The following LRIG2 variants were observed in gnomAD, a reference collection of about 807,000 sequenced individuals.
LRIG2 encodes the protein leucine-rich repeats and immunoglobulin-like domains protein 2.
LRIG2 carries 93 observed loss-of-function variants against 107.8 expected under a neutral mutation model. The observed-to-expected ratio is 0.86, with a 90% CI of 0.73 to 1.03. The LOEUF (loss-of-function observed/expected upper bound fraction) is 1.03. LRIG2 is among the 50% of genes least tolerant of loss of function. The pLI is 0.00. For synonymous variants in LRIG2, 471 were observed against 470.6 expected (o/e 1.00, Z -0.01); for missense variants, 1,226 against 1,296.0 (o/e 0.95, Z 0.83).
At chr1:113,082,563 G>T (rs903654839) in intron 1 of LRIG2, among the ~76,000 whole-genome samples, 5 of 152,322 alleles carry the variant, frequency 3.3e-5, no homozygotes, top group African/African-American at 9.6e-5. Flanking sequence ...GCGGGAGCAG[G>T]CAATTCACAT....
intron 12 of LRIG2, chr1:113,107,972 G>A: frequency 3.8e-6 from 2 of 523,680 alleles, no homozygotes; most frequent in Non-Finnish European, 6.5e-6. Flanking sequence ...TCAGATTCCT[G>A]AATCAAGCAA....
intron 1 of LRIG2, among the ~76,000 whole-genome samples, chr1:113,077,386 C>T (rs1653028800): frequency 1.3e-5 from 2 of 152,144 alleles, no homozygotes; most frequent in African/African-American, 2.4e-5. Flanking sequence ...AGGTGATCCG[C>T]CCACCTTGGC....
At chr1:113,113,320 C>T (rs1237202011) in intron 14 of LRIG2, among the ~76,000 whole-genome samples, 1 of 149,418 alleles carries the variant, frequency 6.7e-6, no homozygotes, top group African/African-American at 2.5e-5. Flanking sequence ...TAAAAATTTT[C>T]CCCTGCTGGC....
intron 1 of LRIG2, among the ~76,000 whole-genome samples, chr1:113,074,915 G>T (rs1234243161): frequency 6.9e-6 from 1 of 144,070 alleles, no homozygotes; most frequent in Non-Finnish European, 1.5e-5. Flanking sequence ...CTGGGGGGAG[G>T]GAGGGTCGGG....
chr1:113,096,482 C>T, intron 8 of LRIG2, 117 bp downstream of exon 8: 1 of 1,121,038 alleles, frequency 8.9e-7, no homozygotes, highest in South Asian at 1.5e-5. Context: ...TTTTGTGGTT[C>T]TTCTGTCCTA....
At chr1:113,122,205 C>T (rs986683379) in intron 17 of LRIG2, among the ~76,000 whole-genome samples, 6 of 151,364 alleles carry the variant, frequency 4.0e-5, no homozygotes, top group Non-Finnish European at 8.8e-5. Context: ...GCCTCAGCCT[C>T]CTGAGTAGCT....
rs1356100539 is a variant in LRIG2 at position 113,116,516 on chromosome 1, T to C, written c.2680+80T>C. 27 of 1,333,446 alleles carry C rather than the reference T, an allele frequency of 2.0e-5. 1 individual carries two copies. The East Asian group carries it at 6.6e-4, about 32-fold the overall frequency. 82.6% of individuals were successfully genotyped at this position (1,333,446 alleles called of 1,614,324 possible). A position where few individuals can be genotyped will look rare whatever the true frequency, so the allele number is the denominator to read the frequency against. On this transcript the variant is annotated intron_variant, in intron 16 of 17. Transcript: ENST00000361127. ...TTTCAGTGTGTAGTTTCTCCATTAA[T>C]CTGAAGCAATATTTTAAAGTAAGAT...
intron 1 of LRIG2, among the ~76,000 whole-genome samples, chr1:113,088,646 T>C (rs1356001328): frequency 6.6e-6 from 1 of 152,144 alleles, no homozygotes; most frequent in Non-Finnish European, 1.5e-5. Flanking sequence ...GATACAAAAT[T>C]AGATCATATT....
intron 14 of LRIG2, 26 bp from the exon 15 acceptor site, chr1:113,114,401 T>G (rs762888110): frequency 2.7e-6 from 4 of 1,485,204 alleles, no homozygotes; most frequent in African/African-American, 2.8e-5. Flanking sequence ...TTTTCATTTT[T>G]TTTTTTTTTA....
chr1:113,093,168 C>A, intron 2 of LRIG2, 38 bp from the exon 3 acceptor site: 1 of 1,295,788 alleles, frequency 7.7e-7, no homozygotes, highest in South Asian at 1.3e-5. Flanking sequence ...TAATATTTCC[C>A]TCACTAAACA....
intron 11 of LRIG2, among the ~76,000 whole-genome samples, chr1:113,102,205 T>G (rs1306058614): frequency 1.1e-4 from 17 of 152,156 alleles, no homozygotes; most frequent in Admixed American, 5.2e-4. Context: ...TATCTACAAT[T>G]TTTTTGATAT....
At chr1:113,114,107 A>T (rs1355646251) in intron 14 of LRIG2, among the ~76,000 whole-genome samples, 1 of 151,984 alleles carries the variant, frequency 6.6e-6, no homozygotes, top group African/African-American at 2.4e-5. Flanking sequence ...TTTGTAGTAA[A>T]CATCTTTGCG....
rs1655423927 is a variant in LRIG2 at position 113,124,942 on chromosome 1, C to A, written c.*841C>A. On this transcript the variant is annotated 3_prime_UTR_variant, in exon 18 of 18. Transcript: ENST00000361127. Reference sequence around the variant, plus strand: ...TTGAGAGGCTAAGGTGGGAGGATTGCTTGAGGCCAGGAATTTGAGACCAGG... The same window carrying A: ...TTGAGAGGCTAAGGTGGGAGGATTGATTGAGGCCAGGAATTTGAGACCAGG... The A allele has an allele frequency of 1.3e-5, 2 of 152,040 alleles. No individual in the cohort carries two copies. Among genetic ancestry groups the A allele is most frequent in the Non-Finnish European group, 2.9e-5 (2 of 68,004 alleles). The allele number at this position is 152,040 out of a possible 1,614,324, so 9.4% of individuals were successfully genotyped here.
chr1:113,085,438 C>G (rs1302351655), intron 1 of LRIG2, among the ~76,000 whole-genome samples: 1 of 152,200 alleles, frequency 6.6e-6, no homozygotes, highest in Non-Finnish European at 1.5e-5. Flanking sequence ...GCATGCGCCA[C>G]CATGCCTGGC....
chr1:113,106,624 C>T (rs1361082851), intron 11 of LRIG2, among the ~76,000 whole-genome samples: 1 of 152,106 alleles, frequency 6.6e-6, no homozygotes, highest in African/African-American at 2.4e-5. Context: ...CCTGCCTCAG[C>T]CTACCAAGTA....
Position 113,073,328 on chromosome 1 carries a change from C to CATCTCT in LRIG2, c.-78_-73dup. On this transcript the variant is annotated 5_prime_UTR_variant, in exon 1 of 18. Transcript: ENST00000361127. ...TTCGGGAGACAGTGCAGCCACCGAGCATCTCTGCTGAGCTTCTCCGCCGAT... is the reference window on the plus strand; with the variant it reads ...TTCGGGAGACAGTGCAGCCACCGAGCATCTCTATCTCTGCTGAGCTTCTCCGCCGAT... 8.6e-7 allele frequency: 1 copy of CATCTCT among 1,157,214 alleles called. No homozygotes were observed. The highest frequency in any genetic ancestry group is 1.3e-6 in the Non-Finnish European group (1 of 783,652). The allele number at this position is 1,157,214 out of a possible 1,614,324, so 71.7% of individuals were successfully genotyped here.
rs549058611 is a variant in LRIG2 at position 113,075,266 on chromosome 1, G to T, written c.239+1621G>T. Reference sequence around the variant, plus strand: ...ATAGGTTGAAGTGCAATTAAAATATGAGAGGCTGCTTGGATTTTTATTGGA... The same window carrying T: ...ATAGGTTGAAGTGCAATTAAAATATTAGAGGCTGCTTGGATTTTTATTGGA... On this transcript the variant is annotated intron_variant, in intron 1 of 17. Coordinates refer to ENST00000361127, the MANE Select transcript of LRIG2 (RefSeq NM_014813.3). Among the ~76,000 whole-genome samples, 3 of 152,060 alleles carry T rather than the reference G, an allele frequency of 2.0e-5. No homozygotes were observed. In the South Asian group the frequency reaches 6.2e-4, roughly 32 times the overall value.
At chr1:113,092,518 T>C (rs570081388) in intron 2 of LRIG2, among the ~76,000 whole-genome samples, 1 of 147,786 alleles carries the variant, frequency 6.8e-6, no homozygotes, top group South Asian at 2.2e-4. Context: ...GTTGTGTGTT[T>C]ATATATATTT....
At chr1:113,092,375 G>C (rs922507418) in intron 2 of LRIG2, among the ~76,000 whole-genome samples, 10 of 152,198 alleles carry the variant, frequency 6.6e-5, no homozygotes, top group Non-Finnish European at 1.5e-5. Flanking sequence ...GGGATCAGAT[G>C]CAACATGTTA....
Sources: gnomAD v4.1 joint callset for allele counts (sites outside exome capture counted in the v4.1 genomes callset) on GRCh38, gnomAD v4.1.1 for gene constraint, MANE v1.5 for transcripts, NCBI Gene and HGNC (gene_info 2026-07-23, HGNC 2026-07-21) for gene names.